Variants in NOA1 observed in about 807,000 individuals in gnomAD.
NOA1 encodes the protein nitric oxide associated 1, also known as nitric oxide-associated protein 1.
Under a neutral mutation model 58.4 loss-of-function variants are expected in NOA1, and 35 were observed. The ratio of observed to expected loss-of-function variants is 0.60; its 90% CI spans 0.46 to 0.79. The LOEUF is 0.79. Ranked by LOEUF, NOA1 falls within the 30% of genes least tolerant of loss-of-function variation. NOA1 has a pLI of 0.00. For missense variants in NOA1, 895 were observed against 894.6 expected (o/e 1.00, Z -0.01); for synonymous variants, 397 against 373.4 (o/e 1.06, Z -0.73).
chr4:56,973,886 A>G lies in NOA1; in HGVS notation c.1281T>C (p.Asn427=), dbSNP rs1190923398. The change falls in exon 2 of 7, where the codon AAT becomes AAC. Residue 427 remains asparagine, a synonymous_variant. Transcript: ENST00000264230. ...DLSEQEQNQL[N]VLKKHGYVVG... ...CGACATAACCATGCTTTTTGAGGAC[A>G]TTAAGCTGATTTTGTTCTTGCTCAC... 2.5e-6 allele frequency: 4 copies of G among 1,614,034 alleles called. No individual in the cohort carries two copies. In the African/African-American group the frequency reaches 4.0e-5, roughly 16 times the overall value.
Position 56,977,574 on chromosome 4 carries a change from A to G in NOA1, c.12T>C (p.Ala4=), listed in dbSNP as rs2109625694. MLP[A]RLPFRLLSLF... The stretch of plus-strand genomic sequence containing the variant: ...GGCTCAGCAGCCTGAACGGTAGGCG[A>G]GCGGGCAGCATGAGGAAGTAGCTCC... Residue 4 remains alanine, a synonymous_variant, in exon 1 of 7, where the codon GCT becomes GCC. Coordinates refer to ENST00000264230, the MANE Select transcript of NOA1 (RefSeq NM_032313.4). 6.3e-7 allele frequency: 1 copy of G among 1,588,226 alleles called. No individual in the cohort carries two copies. Among genetic ancestry groups the G allele is most frequent in the Non-Finnish European group, 8.6e-7 (1 of 1,166,170 alleles).
chr4:56,965,545 T>C (rs1721687001), intron 5 of NOA1, among the ~76,000 whole-genome samples: 2 of 152,024 alleles, frequency 1.3e-5, no homozygotes, highest in South Asian at 4.1e-4. Context: ...TATATATATA[T>C]AACAAAAACA....
rs746921121 is a variant in NOA1 at position 56,977,054 on chromosome 4, C to G, written c.532G>C (p.Val178Leu). 2.9e-4 allele frequency: 452 copies of G among 1,580,366 alleles called. 1 individual carries two copies. Among genetic ancestry groups the G allele is most frequent in the Non-Finnish European group, 3.7e-4 (430 of 1,168,314 alleles). Residue 178 changes from valine (V) to leucine (L), a missense_variant, in exon 1 of 7, where the codon GTG (valine) becomes CTG (leucine). This residue lies in a region of NOA1 where 680 missense variants were observed against 656.5 expected (regional missense o/e 1.04). Transcript: ENST00000264230. ...AEADGGLART[V>L]CQRCWLLSHH... ...GACAGCAGCCAGCAGCGCTGGCACACGGTCCGTGCCAGCCCGCCGTCTGCC... is the reference window on the plus strand; with the variant it reads ...GACAGCAGCCAGCAGCGCTGGCACAGGGTCCGTGCCAGCCCGCCGTCTGCC...
intron 3 of NOA1, 113 bp from the exon 4 acceptor site, chr4:56,968,628 C>A: frequency 2.4e-6 from 2 of 841,374 alleles, no homozygotes; most frequent in East Asian, 2.7e-5. Flanking sequence ...TCAAAATAAA[C>A]CAAATTATGT....
At position 56,977,161 on chromosome 4, in the gene NOA1, G is replaced by A. The variant is rs1375271538; in HGVS notation, c.425C>T (p.Ser142Leu). 6.4e-7 allele frequency: 1 copy of A among 1,557,728 alleles called. No homozygotes were observed. Among genetic ancestry groups the A allele is most frequent in the South Asian group, 1.2e-5 (1 of 86,758 alleles). The change falls in exon 1 of 7, where the codon TCG (serine) becomes TTG (leucine). Residue 142 changes from serine (S) to leucine (L), a missense_variant. Around this residue, in one of 3 missense-constraint regions of NOA1, gnomAD observed 680 missense variants for 656.5 expected, o/e 1.04. Coordinates refer to ENST00000264230, the MANE Select transcript of NOA1 (RefSeq NM_032313.4). ...PALPPSGVNCSGCGAELHCQD... is the reference protein window; with the variant it reads ...PALPPSGVNCLGCGAELHCQD... ...GCAGTGCAGCTCTGCCCCACAGCCCGAGCAGTTCACGCCGCTGGGCGGCAA... is the reference window on the plus strand; with the variant it reads ...GCAGTGCAGCTCTGCCCCACAGCCCAAGCAGTTCACGCCGCTGGGCGGCAA...
chr4:56,971,692 T>A (rs1473074202), intron 3 of NOA1, among the ~76,000 whole-genome samples: 1 of 152,116 alleles, frequency 6.6e-6, no homozygotes, highest in Non-Finnish European at 1.5e-5. Flanking sequence ...GGATGCACAT[T>A]TGAGTCAATC....
Position 56,976,838 on chromosome 4 carries a change from C to T in NOA1, c.748G>A (p.Val250Met), listed in dbSNP as rs1456914066. ...GGAGCATCCTGGGGCAGGAGGTCCA[C>T]TTTGTTTCCCAGCACGATCAGCTGC... ...PKQLIVLGNK[V>M]DLLPQDAPGY... Residue 250 changes from valine (V) to methionine (M), a missense_variant, in exon 1 of 7, where the codon GTG (valine) becomes ATG (methionine). Transcript: ENST00000264230. 1.2e-6 allele frequency: 2 copies of T among 1,612,956 alleles called. No individual in the cohort carries two copies. Among genetic ancestry groups the T allele is most frequent in the African/African-American group, 1.3e-5 (1 of 74,942 alleles).
In NOA1 at chr4:56,967,444, T is replaced by C. The variant is rs568296725; in HGVS notation, c.1648-708A>G. 4.0e-5 allele frequency among the ~76,000 whole-genome samples: 6 copies of C among 150,114 alleles called. No homozygotes were observed. The South Asian group carries it at 1.3e-3, about 32-fold the overall frequency. On this transcript the variant is annotated intron_variant, in intron 4 of 6. Coordinates refer to ENST00000264230, the MANE Select transcript of NOA1 (RefSeq NM_032313.4). Reference sequence around the variant, plus strand: ...CCCCAAAAGCAAAAAACCAACAACCTCCCAAAACGAAATATATAAGGGTTC... The same window carrying C: ...CCCCAAAAGCAAAAAACCAACAACCCCCCAAAACGAAATATATAAGGGTTC...
Position 56,973,175 on chromosome 4 carries a change from G to T in NOA1, c.1488C>A (p.Asp496Glu), listed in dbSNP as rs993540221. Residue 496 changes from aspartate (D) to glutamate (E), a missense_variant, in exon 3 of 7, where the codon GAC (aspartate) becomes GAA (glutamate). Asp to Glu is a conservative substitution (Grantham distance 45, BLOSUM62 2). This residue lies in a region of NOA1 where 680 missense variants were observed against 656.5 expected (regional missense o/e 1.04). Coordinates refer to ENST00000264230, the MANE Select transcript of NOA1 (RefSeq NM_032313.4). Reference sequence around the variant, plus strand: ...AATTTTCTTTTGTAATTCCAGGGGTGTCATAAAACCAGTGGGCATCTTTCA... The same window carrying T: ...AATTTTCTTTTGTAATTCCAGGGGTTTCATAAAACCAGTGGGCATCTTTCA... ...QDVKDAHWFY[D>E]TPGITKENCI... 1 of 1,613,958 alleles carries T rather than the reference G, an allele frequency of 6.2e-7. No homozygotes were observed. The highest frequency in any genetic ancestry group is 1.7e-5 in the Admixed American group (1 of 59,994).
Position 56,977,056 on chromosome 4 carries a change from G to A in NOA1, c.530C>T (p.Thr177Ile), listed in dbSNP as rs770738314. 4 of 1,581,066 alleles carry A rather than the reference G, an allele frequency of 2.5e-6. No homozygotes were observed. The highest frequency in any genetic ancestry group is 2.2e-5 in the South Asian group (2 of 89,912). Residue 177 changes from threonine (T) to isoleucine (I), a missense_variant, in exon 1 of 7, where the codon ACC becomes ATC. By Grantham distance (89) the Thr-to-Ile change is moderately conservative. Around this residue, in one of 3 missense-constraint regions of NOA1, gnomAD observed 680 missense variants for 656.5 expected, o/e 1.04. Coordinates refer to ENST00000264230, the MANE Select transcript of NOA1 (RefSeq NM_032313.4). ...TAEADGGLAR[T>I]VCQRCWLLSH... ...CAGCAGCCAGCAGCGCTGGCACACG[G>A]TCCGTGCCAGCCCGCCGTCTGCCTC...
In NOA1 at chr4:56,976,974, CAGCTCCAGGTACT is replaced by C; in HGVS notation, c.599_611del (p.Gln200ArgfsTer2). ...CGGGCCGCCGCAACGCGGCGCTCAC[CAGCTCCAGGTACT>C]GCTCGCGGCTCACCTGCAGGCGTAG... On this transcript the variant is annotated frameshift_variant, in exon 1 of 7. Coordinates refer to ENST00000264230, the MANE Select transcript of NOA1 (RefSeq NM_032313.4). LOFTEE classifies it high-confidence loss of function. 3.8e-6 allele frequency: 6 copies of C among 1,599,600 alleles called. No homozygotes were observed. The South Asian group carries it at 6.6e-5, about 18-fold the overall frequency.
chr4:56,977,238 G>T lies in NOA1; in HGVS notation c.348C>A (p.Asn116Lys). The T allele has an allele frequency of 6.3e-7, 1 of 1,596,312 alleles. No homozygotes were observed. The change falls in exon 1 of 7, where the codon AAC becomes AAA. Residue 116 changes from asparagine to lysine, a missense_variant. This residue lies in a region of NOA1 where 680 missense variants were observed against 656.5 expected (regional missense o/e 1.04). Transcript: ENST00000264230. Reference sequence around the variant, plus strand: ...GGTGCTCCCGGGACCTGGCCCGTAGGTTTTGCTGTCGCCGCTCCTCCCGCC... The same window carrying T: ...GGTGCTCCCGGGACCTGGCCCGTAGTTTTTGCTGTCGCCGCTCCTCCCGCC... Reference protein sequence around the residue: ...QQRREERRQQNLRARSREHPV... With the variant: ...QQRREERRQQKLRARSREHPV...
At chr4:56,972,901 C>T (rs769572177) in intron 3 of NOA1, among the ~76,000 whole-genome samples, 5 of 152,138 alleles carry the variant, frequency 3.3e-5, no homozygotes, top group Non-Finnish European at 7.4e-5. Context: ...TGGAAGTATA[C>T]TTCTTTTCCT....
In NOA1 at chr4:56,977,258, C is replaced by T; in HGVS notation, c.328G>A (p.Glu110Lys). 6.2e-7 allele frequency: 1 copy of T among 1,609,832 alleles called. No homozygotes were observed. Residue 110 changes from glutamate (E) to lysine (K), a missense_variant, in exon 1 of 7, where the codon GAG (glutamate) becomes AAG (lysine). This residue lies in a region of NOA1 where 680 missense variants were observed against 656.5 expected (regional missense o/e 1.04). Transcript: ENST00000264230. ...CGTAGGTTTTGCTGTCGCCGCTCCTCCCGCCGCTGCTGCCTCTGTCGCTCC... is the reference window on the plus strand; with the variant it reads ...CGTAGGTTTTGCTGTCGCCGCTCCTTCCGCCGCTGCTGCCTCTGTCGCTCC... ...EEERQRQQRR[E>K]ERRQQNLRAR...
At chr4:56,967,329 G>A (rs962369629) in intron 4 of NOA1, among the ~76,000 whole-genome samples, 3 of 151,330 alleles carry the variant, frequency 2.0e-5, no homozygotes, top group Admixed American at 6.6e-5. Context: ...ACAGTGAGCC[G>A]TGACTGTACC....
At chr4:56,974,056 A>G (rs1721855130) in intron 1 of NOA1, 34 bp from the exon 2 acceptor site, 1 of 1,500,556 alleles carries the variant, frequency 6.7e-7, no homozygotes, top group African/African-American at 1.4e-5. Context: ...TCTTTACAAA[A>G]GGGAATAAGG....
intron 1 of NOA1, 78 bp from the exon 2 acceptor site, chr4:56,974,100 T>C: frequency 2.0e-6 from 2 of 991,904 alleles, no homozygotes; most frequent in Non-Finnish European, 3.0e-6. Flanking sequence ...GGATCTACAC[T>C]GTGTTGGTTA....
intron 5 of NOA1, among the ~76,000 whole-genome samples, chr4:56,965,364 C>A (rs1050295760): frequency 2.0e-5 from 3 of 151,992 alleles, no homozygotes; most frequent in African/African-American, 7.2e-5. Flanking sequence ...GCACTAAGAA[C>A]ACAAAGATAG....
rs1015009886 is a variant in NOA1 at position 56,964,430 on chromosome 4, C to A, written c.1861G>T (p.Ala621Ser). ...KEGLGASEAV[A>S]DIKFSSAGWV... ...CCTGCAGAGGAAAACTTGATGTCGG[C>A]CACTGCTTCAGATGCCCCCAGTCCT... is the stretch of plus-strand genomic sequence containing the variant. The change falls in exon 6 of 7, where the codon GCC becomes TCC. Residue 621 changes from alanine (A) to serine (S), a missense_variant. By Grantham distance (99) the Ala-to-Ser change is moderately conservative. Coordinates refer to ENST00000264230, the MANE Select transcript of NOA1 (RefSeq NM_032313.4). 6 of 1,614,086 alleles carry A rather than the reference C, an allele frequency of 3.7e-6. No homozygotes were observed. Among genetic ancestry groups the A allele is most frequent in the Non-Finnish European group, 3.4e-6 (4 of 1,180,012 alleles).
Sources: gnomAD v4.1 joint callset for allele counts (sites outside exome capture counted in the v4.1 genomes callset) on GRCh38, gnomAD v4.1.1 for gene constraint, gnomAD v4.1.1 regional missense constraint, MANE v1.5 for transcripts, NCBI Gene and HGNC (gene_info 2026-07-23, HGNC 2026-07-21) for gene names.